The following ETNPPL variants were observed in gnomAD, a reference collection of about 807,000 sequenced individuals.
The protein encoded by ETNPPL is ethanolamine-phosphate phospho-lyase, also known as alanine--glyoxylate aminotransferase 2-like 1.
In ETNPPL, 30 loss-of-function variants were observed where a neutral mutation model predicts 55.5. That is an observed-to-expected ratio of 0.54 (90% CI 0.40 to 0.73). The LOEUF is 0.73. Ranked by LOEUF, ETNPPL falls within the 30% of genes least tolerant of loss-of-function variation. The pLI is 0.00. For synonymous variants in ETNPPL, 202 were observed against 207.2 expected (o/e 0.98, Z 0.21); for missense variants, 528 against 607.9 (o/e 0.87, Z 1.38).
At chr4:108,743,989 G>A (rs1422239482) in intron 11 of ETNPPL, 133 bp from the exon 12 acceptor site, 14 of 642,616 alleles carry the variant, frequency 2.2e-5, no homozygotes, top group Admixed American at 8.5e-5. Flanking sequence ...TGGGCTGGGC[G>A]CTGTGGCTCA....
Position 108,762,966 on chromosome 4 carries a change from G to A in ETNPPL, c.-68C>T. ...TCTGCGCGCCTCCTACGCGAGCCTGGGACTGCCTTGGCGGCCCCGGCCGGC... is the reference window on the plus strand; with the variant it reads ...TCTGCGCGCCTCCTACGCGAGCCTGAGACTGCCTTGGCGGCCCCGGCCGGC... On this transcript the variant is annotated 5_prime_UTR_variant, in exon 1 of 13. Coordinates refer to ENST00000296486, the MANE Select transcript of ETNPPL (RefSeq NM_031279.4). The A allele has an allele frequency of 6.6e-7, 1 of 1,518,302 alleles. No individual in the cohort carries two copies. The highest frequency in any genetic ancestry group is 9.1e-7 in the Non-Finnish European group (1 of 1,097,670). The allele number at this position is 1,518,302 out of a possible 1,614,324, so 94.1% of individuals were successfully genotyped here. A position where few individuals can be genotyped will look rare whatever the true frequency, so the allele number is the denominator to read the frequency against.
intron 5 of ETNPPL, among the ~76,000 whole-genome samples, chr4:108,753,795 A>AGAAAGAAAGAAAGAAAGAAAGAAG (rs1729048954): frequency 1.6e-5 from 2 of 121,332 alleles, no homozygotes; most frequent in African/African-American, 8.5e-5. Flanking sequence ...AAAGAAAGAA[A>AGAAAGAAAGAAAGAAAGAAAGAAG]GAAAGAAAGA....
intron 1 of ETNPPL, chr4:108,762,494 C>A (rs1208534174): frequency 3.0e-6 from 2 of 665,688 alleles, no homozygotes; most frequent in Non-Finnish European, 2.8e-6. Flanking sequence ...TGGCGGAGCG[C>A]TATCCTTCTT....
intron 3 of ETNPPL, among the ~76,000 whole-genome samples, chr4:108,757,253 C>G (rs965688447): frequency 6.6e-6 from 1 of 151,974 alleles, no homozygotes; most frequent in Non-Finnish European, 1.5e-5. Context: ...AAATATACTA[C>G]CCAAAAAAAG....
chr4:108,743,699 CT>C, intron 12 of ETNPPL, 89 bp downstream of exon 12: 1 of 939,034 alleles, frequency 1.1e-6, no homozygotes, highest in Non-Finnish European at 1.7e-6. Context: ...CTAATGGTCA[CT>C]GCACAATTTT....
intron 12 of ETNPPL, among the ~76,000 whole-genome samples, chr4:108,743,368 C>G (rs962619842): frequency 6.6e-6 from 1 of 152,162 alleles, no homozygotes; most frequent in African/African-American, 2.4e-5. Context: ...CGCTTTAGTT[C>G]GTTTTAGAAC....
chr4:108,750,989 C>G lies in ETNPPL; in HGVS notation c.648G>C (p.Gln216His). Residue 216 changes from glutamine to histidine, a missense_variant, in exon 7 of 13, where the codon CAG becomes CAC. Transcript: ENST00000296486. ...KIAAFIAESM[Q>H]SCGGQIIPPA... ...GAGGAATTATTTGTCCGCCACAACTCTGCATGGATTCAGCAATAAAGGCAG... is the reference window on the plus strand; with the variant it reads ...GAGGAATTATTTGTCCGCCACAACTGTGCATGGATTCAGCAATAAAGGCAG... 1.2e-6 allele frequency: 2 copies of G among 1,613,442 alleles called. No individual in the cohort carries two copies. Among genetic ancestry groups the G allele is most frequent in the South Asian group, 1.1e-5 (1 of 91,072 alleles).
chr4:108,744,118 G>C (rs374242914), intron 11 of ETNPPL, among the ~76,000 whole-genome samples: 84 of 152,164 alleles, frequency 5.5e-4, no homozygotes, highest in African/African-American at 1.9e-3. Flanking sequence ...AAAATTAGCC[G>C]GATGTGGTGG....
chr4:108,742,811 G>T (rs577709068), intron 12 of ETNPPL, among the ~76,000 whole-genome samples, 199 bp from the exon 13 acceptor site: 2 of 152,150 alleles, frequency 1.3e-5, no homozygotes, highest in African/African-American at 4.8e-5. Context: ...CCGGGACTCC[G>T]AGTCAACTTT....
intron 11 of ETNPPL, 127 bp from the exon 12 acceptor site, chr4:108,743,983 C>T (rs1728342443): frequency 1.5e-6 from 1 of 662,562 alleles, no homozygotes. Context: ...AAAGAATGGG[C>T]TGGGCGCTGT....
At chr4:108,749,839 C>G (rs1477224876) in intron 7 of ETNPPL, among the ~76,000 whole-genome samples, 1 of 152,118 alleles carries the variant, frequency 6.6e-6, no homozygotes. Flanking sequence ...TCCCCAGTAG[C>G]TGGAACTACA....
rs760904609 is a variant in ETNPPL at position 108,749,328 on chromosome 4, C to T, written c.837G>A (p.Pro279=). ...ATGCCACCGGGTGGCCGTTGCCCAT[C>T]GGTTTTCCCATTGTGACGATGTCTG... is the stretch of plus-strand genomic sequence containing the variant. The part of the protein sequence containing the change: ...FVPDIVTMGK[P]MGNGHPVACV... Residue 279 remains proline (P), a synonymous_variant, in exon 8 of 13, where the codon CCG becomes CCA. Transcript: ENST00000296486. 22 of 1,613,954 alleles carry T rather than the reference C, an allele frequency of 1.4e-5. No individual in the cohort carries two copies. The highest frequency in any genetic ancestry group is 5.3e-5 in the African/African-American group (4 of 74,902).
intron 4 of ETNPPL, among the ~76,000 whole-genome samples, 181 bp downstream of exon 4, chr4:108,756,237 A>G (rs527594928): frequency 1.3e-5 from 2 of 152,232 alleles, no homozygotes; most frequent in Non-Finnish European, 2.9e-5. Context: ...GAAGGAATTA[A>G]ATATCCCTCT....
Position 108,742,602 on chromosome 4 carries a change from T to C in ETNPPL, c.1382A>G (p.Glu461Gly). 6.2e-7 allele frequency: 1 copy of C among 1,614,050 alleles called. No individual in the cohort carries two copies. The highest frequency in any genetic ancestry group is 1.3e-5 in the African/African-American group (1 of 75,044). Residue 461 changes from glutamate to glycine, a missense_variant, in exon 13 of 13, where the codon GAA (glutamate) becomes GGA (glycine). Transcript: ENST00000296486. Reference protein sequence around the residue: ...NTPCKTKMLKEAHIELLRDST... With the variant: ...NTPCKTKMLKGAHIELLRDST... ...GTCCCTAAGCAGTTCTATGTGGGCT[T>C]CTTTCAGCATCTGCAAGACAGGCAC...
At position 108,749,277 on chromosome 4, in the gene ETNPPL, T is replaced by C; in HGVS notation, c.888A>G (p.Ala296=). The C allele has an allele frequency of 6.2e-7, 1 of 1,613,962 alleles. No individual in the cohort carries two copies. The highest frequency in any genetic ancestry group is 8.5e-7 in the Non-Finnish European group (1 of 1,179,824). The change falls in exon 8 of 13, where the codon GCA becomes GCG. Residue 296 remains alanine, a synonymous_variant. Transcript: ENST00000296486. Reference sequence around the variant, plus strand: ...CCATCCCAGAGCTGCTGAAGGCTTCTGCAATTTCTTTGGTTGTTACCACAC... The same window carrying C: ...CCATCCCAGAGCTGCTGAAGGCTTCCGCAATTTCTTTGGTTGTTACCACAC... The part of the protein sequence containing the change: ...VACVVTTKEI[A]EAFSSSGMEY...
chr4:108,744,925 G>A (rs1368828803), intron 11 of ETNPPL, among the ~76,000 whole-genome samples: 5 of 151,844 alleles, frequency 3.3e-5, no homozygotes, highest in African/African-American at 4.8e-5. Context: ...ACCTTTCACC[G>A]TGTTGCCCAG....
Position 108,760,302 on chromosome 4 carries a change from A to G in ETNPPL, c.61T>C (p.Ser21Pro). Residue 21 changes from serine (S) to proline (P), a missense_variant, in exon 2 of 13, where the codon TCA becomes CCA. Ser to Pro is a moderately conservative substitution (Grantham distance 74). Transcript: ENST00000296486. The stretch of plus-strand genomic sequence containing the variant: ...TCCGATGCAAAGAAAACTTTGCATG[A>G]GGGCCTAGAAATAATCAAAGGAAAC... ...LGLRKKHIGP[S>P]CKVFFASDPI... is the part of the protein sequence containing the mutation. 1 of 1,574,906 alleles carries G rather than the reference A, an allele frequency of 6.3e-7. No individual in the cohort carries two copies. The highest frequency in any genetic ancestry group is 8.7e-7 in the Non-Finnish European group (1 of 1,145,348).
At chr4:108,754,851 T>A in intron 4 of ETNPPL, 141 bp from the exon 5 acceptor site, 1 of 619,732 alleles carries the variant, frequency 1.6e-6, no homozygotes, top group South Asian at 1.9e-5. Context: ...TTTGACTATA[T>A]GGGATCTAAT....
At chr4:108,747,918 C>CG in intron 9 of ETNPPL, 87 bp downstream of exon 9, 1 of 1,127,986 alleles carries the variant, frequency 8.9e-7, no homozygotes, top group South Asian at 1.4e-5. Flanking sequence ...TTAATAGAGA[C>CG]GGGGTCTCAC....
Sources: gnomAD v4.1 joint callset for allele counts (sites outside exome capture counted in the v4.1 genomes callset) on GRCh38, gnomAD v4.1.1 for gene constraint, MANE v1.5 for transcripts, NCBI Gene and HGNC (gene_info 2026-07-23, HGNC 2026-07-21) for gene names.